Variants in TTC28 observed in about 807,000 individuals in gnomAD.
TTC28 encodes the protein tetratricopeptide repeat protein 28.
Under a neutral mutation model 198.0 loss-of-function variants are expected in TTC28, and 61 were observed. The observed-to-expected ratio is 0.31, with a 90% CI of 0.25 to 0.38. TTC28 has a LOEUF of 0.38. TTC28 is among the 10% of genes least tolerant of loss of function. The pLI is 1.00. For missense variants in TTC28, 2,678 were observed against 3,164.0 expected (o/e 0.85, Z 3.69); for synonymous variants, 1,171 against 1,297.8 (o/e 0.90, Z 2.10).
intron 2 of TTC28, among the ~76,000 whole-genome samples, chr22:28,387,684 TG>T (rs1206967041): frequency 6.6e-6 from 1 of 152,232 alleles, no homozygotes; most frequent in African/African-American, 2.4e-5. Flanking sequence ...CACTTTTTGA[TG>T]GGGTTGTTTG....
chr22:28,404,499 G>GT (rs1019886589), intron 2 of TTC28, among the ~76,000 whole-genome samples: 2 of 152,116 alleles, frequency 1.3e-5, no homozygotes, highest in African/African-American at 4.8e-5. Flanking sequence ...ACACACACTT[G>GT]TTATCCTCTC....
chr22:28,247,429 G>A (rs1930184846), intron 5 of TTC28, among the ~76,000 whole-genome samples: 1 of 152,332 alleles, frequency 6.6e-6, no homozygotes, highest in South Asian at 2.1e-4. Context: ...ACTATTGGCT[G>A]CCCCTACGCT....
At chr22:28,482,454 C>T (rs1284380977) in intron 2 of TTC28, among the ~76,000 whole-genome samples, 1 of 151,994 alleles carries the variant, frequency 6.6e-6, no homozygotes, top group Non-Finnish European at 1.5e-5. Flanking sequence ...GTGATCCACC[C>T]GCCTTGGCTT....
rs145466394 is a variant in TTC28, at chr22:28,173,331, T to C, written c.934-9732A>G. 1.0e-3 allele frequency among the ~76,000 whole-genome samples: 153 copies of C among 152,246 alleles called. 1 individual carries two copies. The highest frequency in any genetic ancestry group is 3.5e-3 in the African/African-American group (145 of 41,538). ...CCACTATCTATGGGGAATCACAGGC[T>C]CCACCTCAAGCAGATGCTGCATTTG... On this transcript the variant is annotated intron_variant, in intron 5 of 22. Transcript: ENST00000397906.
At chr22:28,475,384 T>C (rs991655575) in intron 2 of TTC28, among the ~76,000 whole-genome samples, 2 of 151,906 alleles carry the variant, frequency 1.3e-5, no homozygotes, top group Admixed American at 6.6e-5. Context: ...ATTAAACTAA[T>C]GTACACATCT....
At chr22:28,655,588 G>A (rs1048286919) in intron 1 of TTC28, among the ~76,000 whole-genome samples, 3 of 152,120 alleles carry the variant, frequency 2.0e-5, no homozygotes, top group African/African-American at 7.2e-5. Flanking sequence ...CTCACCCTAG[G>A]CCGGGCGTGG....
intron 6 of TTC28, among the ~76,000 whole-genome samples, chr22:28,147,117 G>A (rs1943486981): frequency 6.6e-6 from 1 of 152,216 alleles, no homozygotes; most frequent in African/African-American, 2.4e-5. Context: ...ACCAAAAGTT[G>A]CATTCCAGCT....
At chr22:28,092,940 C>A (rs1049477317) in intron 12 of TTC28, among the ~76,000 whole-genome samples, 1 of 152,172 alleles carries the variant, frequency 6.6e-6, no homozygotes, top group Admixed American at 6.5e-5. Context: ...TTATATTTGG[C>A]TACTTTCTCA....
At chr22:28,623,930 T>TA (rs912834039) in intron 2 of TTC28, among the ~76,000 whole-genome samples, 13 of 150,724 alleles carry the variant, frequency 8.6e-5, no homozygotes, top group South Asian at 2.1e-4. Context: ...GCTCATATTT[T>TA]AAAAAAAAAG....
intron 2 of TTC28, among the ~76,000 whole-genome samples, chr22:28,617,563 C>T (rs1452901579): frequency 2.0e-5 from 3 of 152,060 alleles, no homozygotes; most frequent in East Asian, 3.9e-4. Context: ...CCTTAATATG[C>T]ATATGAACTG....
rs1466670646 is a variant in TTC28 at position 28,001,358 on chromosome 22, T to C, written c.4398+16A>G. ...AAAACAAGCCCCCGGCCCCCCACCA[T>C]GTGTGTGAGCCTTACCTTGGACTGC... On this transcript the variant is annotated intron_variant, in intron 15 of 22. Coordinates refer to ENST00000397906, the MANE Select transcript of TTC28 (RefSeq NM_001145418.2). 22 of 1,532,322 alleles carry C rather than the reference T, an allele frequency of 1.4e-5. No homozygotes were observed. The highest frequency in any genetic ancestry group is 1.9e-5 in the Non-Finnish European group (22 of 1,131,540). 94.9% of individuals were successfully genotyped at this position (1,532,322 alleles called of 1,614,324 possible). A position where few individuals can be genotyped will look rare whatever the true frequency, so the allele number is the denominator to read the frequency against.
intron 2 of TTC28, among the ~76,000 whole-genome samples, chr22:28,422,977 C>G (rs2047285482): frequency 6.6e-6 from 1 of 152,140 alleles, no homozygotes; most frequent in African/African-American, 2.4e-5. Flanking sequence ...ATAGTGAAAG[C>G]AGAGTTTGGT....
intron 12 of TTC28, among the ~76,000 whole-genome samples, chr22:28,050,975 A>G (rs1940065722): frequency 6.6e-6 from 1 of 152,198 alleles, no homozygotes; most frequent in African/African-American, 2.4e-5. Context: ...GGTAAATTGC[A>G]CACATTTTAA....
At chr22:28,453,748 C>G (rs2146260213) in intron 2 of TTC28, among the ~76,000 whole-genome samples, 1 of 152,324 alleles carries the variant, frequency 6.6e-6, no homozygotes, top group South Asian at 2.1e-4. Flanking sequence ...TCAACATCAT[C>G]TGGTCTACTA....
chr22:27,985,301 T>G lies in TTC28; in HGVS notation c.5763A>C (p.Gln1921His). The G allele has an allele frequency of 6.4e-7, 1 of 1,551,592 alleles. No individual in the cohort carries two copies. The highest frequency in any genetic ancestry group is 8.7e-7 in the Non-Finnish European group (1 of 1,146,932). ...QEEVILKTGK[Q>H]ANRRTVHFAL... ...CGAAGTGCACAGTCCGTCGATTAGCTTGCTTCCCGGTTTTCAGGATTACTT... is the reference window on the plus strand; with the variant it reads ...CGAAGTGCACAGTCCGTCGATTAGCGTGCTTCCCGGTTTTCAGGATTACTT... The change falls in exon 22 of 23, where the codon CAA (glutamine) becomes CAC (histidine). Residue 1921 changes from glutamine (Q) to histidine (H), a missense_variant. Physicochemically the swap from Gln to His is conservative, Grantham distance 24 (BLOSUM62 0). Around this residue, in one of 8 missense-constraint regions of TTC28, gnomAD observed 314 missense variants for 442.7 expected, o/e 0.71. Transcript: ENST00000397906.
chr22:28,115,089 C>T (rs1057506042), intron 6 of TTC28, among the ~76,000 whole-genome samples: 11 of 152,136 alleles, frequency 7.2e-5, no homozygotes, highest in Admixed American at 2.6e-4. Flanking sequence ...CAGGCCCACA[C>T]GGCTCTAAGT....
At position 28,604,297 on chromosome 22, in the gene TTC28, T is replaced by TATATATATA. The variant is rs1053139903; in HGVS notation, c.381+25254_381+25255insTATATATAT. Among the ~76,000 whole-genome samples the TATATATATA allele has an allele frequency of 1.8e-3, 204 of 114,074 alleles. 3 individuals are homozygous for TATATATATA. Among genetic ancestry groups the TATATATATA allele is most frequent in the African/African-American group, 6.6e-3 (189 of 28,496 alleles). The allele number at this position is 114,074 out of a possible 152,430, so 74.8% of individuals were successfully genotyped here. ...AGTCTTAAACAGAAAAAAAAAAAAA[T>TATATATATA]TATATATATATATATATATATATAT... On this transcript the variant is annotated intron_variant, in intron 2 of 22. Coordinates refer to ENST00000397906, the MANE Select transcript of TTC28 (RefSeq NM_001145418.2).
At chr22:28,043,019 G>A (rs1326512872) in intron 12 of TTC28, among the ~76,000 whole-genome samples, 1 of 151,978 alleles carries the variant, frequency 6.6e-6, no homozygotes, top group Admixed American at 6.5e-5. Flanking sequence ...GCCAAGGCAG[G>A]TGGATCACGA....
chr22:28,475,479 C>A (rs1895128089), intron 2 of TTC28, among the ~76,000 whole-genome samples: 1 of 152,156 alleles, frequency 6.6e-6, no homozygotes, highest in African/African-American at 2.4e-5. Context: ...GTGGGCCCTG[C>A]CAGGAATCCA....
Sources: allele counts gnomAD v4.1 joint callset (sites outside exome capture counted in the v4.1 genomes callset), GRCh38; gene constraint gnomAD v4.1.1; regional missense constraint gnomAD v4.1.1; transcripts MANE v1.5; gene names NCBI Gene and HGNC (gene_info 2026-07-23, HGNC 2026-07-21).